Variants in RPL27A observed in about 807,000 individuals in gnomAD.
RPL27A encodes the protein large ribosomal subunit protein uL15.
For synonymous variants in RPL27A, 69 were observed against 68.3 expected, an observed-to-expected ratio of 1.01 and a Z score of -0.05; for missense variants, 118 against 189.4, an observed-to-expected ratio of 0.62 and a Z score of 2.21.
At chr11:8,683,603 G>A in intron 2 of RPL27A, 2 of 500,252 alleles carry the variant, frequency 4.0e-6, no homozygotes, top group South Asian at 2.2e-5. Flanking sequence ...CAGCGTAAGC[G>A]GGACACAGAA....
chr11:8,685,371 T>C, intron 4 of RPL27A: 1 of 580,038 alleles, frequency 1.7e-6, no homozygotes. Context: ...GTAGTTCTGG[T>C]GGTCAGGAAG....
At chr11:8,684,455 T>C (rs1727273661) in intron 3 of RPL27A, 2 of 697,698 alleles carry the variant, frequency 2.9e-6, no homozygotes, top group South Asian at 1.5e-5. Context: ...AGTGCTGTTA[T>C]GTGACTTGAA....
At chr11:8,683,874 G>T (rs771137781) in intron 2 of RPL27A, 132 bp from the exon 3 acceptor site, 7 of 753,742 alleles carry the variant, frequency 9.3e-6, no homozygotes, top group Non-Finnish European at 1.4e-5. Context: ...AGAGTCGGGG[G>T]TTTCTCCGTG....
At chr11:8,683,716 C>T (rs1434219205) in intron 2 of RPL27A, 2 of 500,272 alleles carry the variant, frequency 4.0e-6, no homozygotes, top group African/African-American at 1.9e-5. Flanking sequence ...TGATCACTGT[C>T]GCCCAGGCTG....
Position 8,688,016 on chromosome 11 carries a change from A to C in RPL27A, c.*2210A>C, listed in dbSNP as rs1360471390. The C allele has an allele frequency of 2.0e-5, 3 of 152,184 alleles. No homozygotes were observed. The highest frequency in any genetic ancestry group is 2.0e-4 in the Admixed American group (3 of 15,276). The allele number at this position is 152,184 out of a possible 1,614,324, so 9.4% of individuals were successfully genotyped here. ...GGCCTTCATGTGATTGTCAGTGGGA[A>C]ATTGGTCCAAGCAGAGGGAATACTG... On this transcript the variant is annotated 3_prime_UTR_variant, in exon 5 of 5. Transcript: ENST00000314138.
In RPL27A at chr11:8,687,660, GCT is replaced by G. The variant is rs2039599837; in HGVS notation, c.*1857_*1858del. On this transcript the variant is annotated 3_prime_UTR_variant, in exon 5 of 5. Transcript: ENST00000314138. ...TTGTTTTGTTTTGAGACGGAGTCTCGCTCTGTCGCCCAGGCTGGAGTGCAGTG... is the reference window on the plus strand; with the variant it reads ...TTGTTTTGTTTTGAGACGGAGTCTCGCTGTCGCCCAGGCTGGAGTGCAGTG... The G allele has an allele frequency of 6.6e-6, 1 of 152,192 alleles. No individual in the cohort carries two copies. Among genetic ancestry groups the G allele is most frequent in the African/African-American group, 2.4e-5 (1 of 41,426 alleles). The allele number at this position is 152,192 out of a possible 1,614,324, so 9.4% of individuals were successfully genotyped here. A position where few individuals can be genotyped will look rare whatever the true frequency, so the allele number is the denominator to read the frequency against.
rs968294480 is a variant in RPL27A, at chr11:8,689,751, C to T, written c.*3945C>T. ...ATTTTACATCCCAATTTTTATTTTC[C>T]TCTCATTCCCACTTTACGTTGTTTC... On this transcript the variant is annotated 3_prime_UTR_variant, in exon 5 of 5. Transcript: ENST00000314138. 3 of 152,182 alleles carry T rather than the reference C, an allele frequency of 2.0e-5. No homozygotes were observed. The highest frequency in any genetic ancestry group is 4.4e-5 in the Non-Finnish European group (3 of 68,030). The allele number at this position is 152,182 out of a possible 1,614,324, so 9.4% of individuals were successfully genotyped here. A position where few individuals can be genotyped will look rare whatever the true frequency, so the allele number is the denominator to read the frequency against.
At position 8,687,762 on chromosome 11, in the gene RPL27A, G is replaced by C. The variant is rs2039601024; in HGVS notation, c.*1956G>C. ...TCCTGCCTCAGCTTCCCAAGTAGCT[G>C]GGACTACAGGCGCCCGCCACTGCGC... is the stretch of plus-strand genomic sequence containing the variant. On this transcript the variant is annotated 3_prime_UTR_variant, in exon 5 of 5. Coordinates refer to ENST00000314138, the MANE Select transcript of RPL27A (RefSeq NM_000990.5). 1 of 152,246 alleles carries C rather than the reference G, an allele frequency of 6.6e-6. No homozygotes were observed. Among genetic ancestry groups the C allele is most frequent in the African/African-American group, 2.4e-5 (1 of 41,448 alleles). 9.4% of individuals were successfully genotyped at this position (152,246 alleles called of 1,614,324 possible).
rs1439132084 is a variant in RPL27A at position 8,687,898 on chromosome 11, G to T, written c.*2092G>T. ...GCCTCCCAAAGTGCTGGGATTACAG[G>T]CATGAGCCACCGCGCCCGGCCCAGG... On this transcript the variant is annotated 3_prime_UTR_variant, in exon 5 of 5. Coordinates refer to ENST00000314138, the MANE Select transcript of RPL27A (RefSeq NM_000990.5). The T allele has an allele frequency of 6.6e-6, 1 of 152,360 alleles. No homozygotes were observed. Among genetic ancestry groups the T allele is most frequent in the Non-Finnish European group, 1.5e-5 (1 of 68,150 alleles). 9.4% of individuals were successfully genotyped at this position (152,360 alleles called of 1,614,324 possible).
chr11:8,684,497 G>C, intron 3 of RPL27A: 1 of 677,748 alleles, frequency 1.5e-6, no homozygotes, highest in South Asian at 1.6e-5. Flanking sequence ...TGACATTGTC[G>C]GTGGTTTATC....
chr11:8,683,027 C>A, intron 1 of RPL27A, 175 bp from the exon 2 acceptor site: 1 of 835,416 alleles, frequency 1.2e-6, no homozygotes, highest in Non-Finnish European at 1.9e-6. Context: ...ACACGCGGGC[C>A]CCTGCGCTAC....
At position 8,686,900 on chromosome 11, in the gene RPL27A, T is replaced by C. The variant is rs1207810769; in HGVS notation, c.*1094T>C. 5 of 152,336 alleles carry C rather than the reference T, an allele frequency of 3.3e-5. No homozygotes were observed. The highest frequency in any genetic ancestry group is 3.4e-3 in the Middle Eastern group (1 of 294). The allele number at this position is 152,336 out of a possible 1,614,324, so 9.4% of individuals were successfully genotyped here. A position where few individuals can be genotyped will look rare whatever the true frequency, so the allele number is the denominator to read the frequency against. On this transcript the variant is annotated 3_prime_UTR_variant, in exon 5 of 5. Coordinates refer to ENST00000314138, the MANE Select transcript of RPL27A (RefSeq NM_000990.5). ...CCCAAAATAATACAGTCTAAAACTATAGACAAATAAGATGGCACTTAGACT... is the reference window on the plus strand; with the variant it reads ...CCCAAAATAATACAGTCTAAAACTACAGACAAATAAGATGGCACTTAGACT...
rs1410653461 is a variant in RPL27A, at chr11:8,686,374, G to T, written c.*568G>T. On this transcript the variant is annotated 3_prime_UTR_variant, in exon 5 of 5. Transcript: ENST00000314138. ...GCTTCCTGACTAACTGGGATTACAG[G>T]CGCCCACCACCATGCCCAGCTAATT... 1 of 152,692 alleles carries T rather than the reference G, an allele frequency of 6.5e-6. No homozygotes were observed. Among genetic ancestry groups the T allele is most frequent in the Non-Finnish European group, 1.5e-5 (1 of 68,462 alleles). The allele number at this position is 152,692 out of a possible 1,614,324, so 9.5% of individuals were successfully genotyped here.
intron 4 of RPL27A, 90 bp downstream of exon 4, chr11:8,684,982 C>T: frequency 8.2e-7 from 1 of 1,226,422 alleles, no homozygotes. Context: ...CTGTACTTCC[C>T]AGTTACCTAC....
In RPL27A at chr11:8,684,771, A is replaced by G; in HGVS notation, c.197A>G (p.Asn66Ser). 6.2e-7 allele frequency: 1 copy of G among 1,614,156 alleles called. No homozygotes were observed. Among genetic ancestry groups the G allele is most frequent in the South Asian group, 1.1e-5 (1 of 91,084 alleles). Residue 66 changes from asparagine (N) to serine (S), a missense_variant, in exon 4 of 5, where the codon AAC becomes AGC. By Grantham distance (46) the Asn-to-Ser change is conservative. Coordinates refer to ENST00000314138, the MANE Select transcript of RPL27A (RefSeq NM_000990.5). ...VGMKHYHLKR[N>S]QSFCPTVNLD... ...ATGAAGCATTACCACTTAAAGAGGA[A>G]CCAGAGCTTCTGCCCAACTGTCAAC...
chr11:8,683,579 C>T (rs1374744855), intron 2 of RPL27A: 1 of 516,752 alleles, frequency 1.9e-6, no homozygotes, highest in Non-Finnish European at 3.5e-6. Flanking sequence ...AAACCGGCAT[C>T]GGTAGGGTGG....
rs1435827262 is a variant in RPL27A, at chr11:8,686,929, G to T, written c.*1123G>T. 6.6e-6 allele frequency: 1 copy of T among 152,106 alleles called. No individual in the cohort carries two copies. The highest frequency in any genetic ancestry group is 1.5e-5 in the Non-Finnish European group (1 of 68,030). The allele number at this position is 152,106 out of a possible 1,614,324, so 9.4% of individuals were successfully genotyped here. A position where few individuals can be genotyped will look rare whatever the true frequency, so the allele number is the denominator to read the frequency against. ...CAAATAAGATGGCACTTAGACTCCT[G>T]GGTTTTAGTTAGTGGAGGTTTCCTT... is the stretch of plus-strand genomic sequence containing the variant. On this transcript the variant is annotated 3_prime_UTR_variant, in exon 5 of 5. Coordinates refer to ENST00000314138, the MANE Select transcript of RPL27A (RefSeq NM_000990.5).
At position 8,686,687 on chromosome 11, in the gene RPL27A, T is replaced by C. The variant is rs1402177040; in HGVS notation, c.*881T>C. On this transcript the variant is annotated 3_prime_UTR_variant, in exon 5 of 5. Coordinates refer to ENST00000314138, the MANE Select transcript of RPL27A (RefSeq NM_000990.5). ...AGTTAATTTTTCTTCTAGTCTGAAA[T>C]GTATCGGGAAAATTTGGAAATCCTG... 6.6e-6 allele frequency: 1 copy of C among 152,174 alleles called. No individual in the cohort carries two copies. The highest frequency in any genetic ancestry group is 1.5e-5 in the Non-Finnish European group (1 of 68,038). The allele number at this position is 152,174 out of a possible 1,614,324, so 9.4% of individuals were successfully genotyped here.
intron 4 of RPL27A, 44 bp downstream of exon 4, chr11:8,684,936 A>C: frequency 1.3e-6 from 2 of 1,590,380 alleles, no homozygotes; most frequent in Non-Finnish European, 1.7e-6. Context: ...ACCTTCCCTT[A>C]CAAAACTCTG....
Sources: gnomAD v4.1 joint callset for allele counts on GRCh38, gnomAD v4.1.1 for gene constraint, MANE v1.5 for transcripts, NCBI Gene and HGNC (gene_info 2026-07-23, HGNC 2026-07-21) for gene names.